The following UNC79 variants were observed in gnomAD, a reference collection of about 807,000 sequenced individuals.
UNC79 encodes the protein unc-79 subunit of NALCN channel complex, also known as protein unc-79 homolog.
UNC79 carries 37 observed loss-of-function variants against 283.1 expected under a neutral mutation model. The ratio of observed to expected loss-of-function variants is 0.13; its 90% CI spans 0.10 to 0.17. UNC79 has a LOEUF of 0.17. Among genes scored for constraint, UNC79 ranks in the 10% least tolerant of loss-of-function variants. The pLI, the probability that UNC79 is intolerant of heterozygous loss-of-function variation, is 1.00. For missense variants in UNC79, 2,272 were observed against 3,211.1 expected (o/e 0.71, Z 7.07); for synonymous variants, 1,107 against 1,200.2 (o/e 0.92, Z 1.61).
intron 27 of UNC79, among the ~76,000 whole-genome samples, chr14:93,614,648 A>T (rs1340382417): frequency 6.6e-6 from 1 of 151,978 alleles, no homozygotes; most frequent in Non-Finnish European, 1.5e-5. Context: ...AAAAAAAAAA[A>T]AAAAATCCTC....
At chr14:93,565,771 C>G (rs2062840984) in intron 14 of UNC79, among the ~76,000 whole-genome samples, 1 of 152,178 alleles carries the variant, frequency 6.6e-6, no homozygotes, top group South Asian at 2.1e-4. Flanking sequence ...AGGGAGAATA[C>G]TTAGAAGACT....
At chr14:93,392,495 A>G (rs1248943061) in intron 1 of UNC79, among the ~76,000 whole-genome samples, 3 of 152,248 alleles carry the variant, frequency 2.0e-5, no homozygotes, top group Admixed American at 2.0e-4. Context: ...TGTAGTTTGT[A>G]TCAAATTACA....
At chr14:93,371,732 T>A (rs2054453529) in intron 1 of UNC79, among the ~76,000 whole-genome samples, 1 of 151,810 alleles carries the variant, frequency 6.6e-6, no homozygotes, top group Non-Finnish European at 1.5e-5. Flanking sequence ...TCCCAGCTAC[T>A]CGGGAGGCTG....
chr14:93,398,436 A>G (rs911046586), intron 1 of UNC79, among the ~76,000 whole-genome samples: 2 of 152,224 alleles, frequency 1.3e-5, no homozygotes, highest in Non-Finnish European at 2.9e-5. Context: ...GTAGGCAGAA[A>G]CAGAAGACTA....
chr14:93,364,275 AC>A (rs1288267213), intron 1 of UNC79, among the ~76,000 whole-genome samples: 1 of 152,102 alleles, frequency 6.6e-6, no homozygotes, highest in Non-Finnish European at 1.5e-5. Flanking sequence ...CCTAAAGATA[AC>A]CCCAATCATG....
At chr14:93,623,666 G>A (rs759636639) in intron 30 of UNC79, among the ~76,000 whole-genome samples, 27 of 152,120 alleles carry the variant, frequency 1.8e-4, no homozygotes, top group Non-Finnish European at 2.9e-4. Flanking sequence ...AGGCTGAGGC[G>A]GGCAGATCAT....
intron 41 of UNC79, among the ~76,000 whole-genome samples, chr14:93,673,797 G>A (rs2073099413): frequency 6.6e-6 from 1 of 152,124 alleles, no homozygotes; most frequent in African/African-American, 2.4e-5. Flanking sequence ...ACTGAGGCCA[G>A]AAGTGGGGGA....
intron 4 of UNC79, among the ~76,000 whole-genome samples, chr14:93,478,852 C>A (rs1433674563): frequency 6.6e-6 from 1 of 152,078 alleles, no homozygotes; most frequent in African/African-American, 2.4e-5. Flanking sequence ...CAATTGGTAA[C>A]CATATATATC....
At chr14:93,637,370 C>T in intron 32 of UNC79, 71 bp downstream of exon 35, 1 of 1,584,862 alleles carries the variant, frequency 6.3e-7, no homozygotes, top group Non-Finnish European at 8.6e-7. Flanking sequence ...TTTGGTCACC[C>T]AGCAGGTGCA....
Position 93,582,196 on chromosome 14 carries a change from A to G in UNC79, c.2662-7A>G, listed in dbSNP as rs1206727390. 6.2e-7 allele frequency: 1 copy of G among 1,613,880 alleles called. No homozygotes were observed. The highest frequency in any genetic ancestry group is 1.7e-5 in the Admixed American group (1 of 59,994). Reference sequence around the variant, plus strand: ...GCTTACCTGGCTGCCTGTCCTGTTTATTTCAGGAGCCCACAGACAGCCTGG... The same window carrying G: ...GCTTACCTGGCTGCCTGTCCTGTTTGTTTCAGGAGCCCACAGACAGCCTGG... On this transcript the variant is annotated splice_region_variant and splice_polypyrimidine_tract_variant and intron_variant, in intron 19 of 48. Coordinates refer to ENST00000555664, the Ensembl canonical transcript of UNC79.
chr14:93,598,023 A>G lies in UNC79; in HGVS notation c.3372+483A>G, dbSNP rs779543421. On this transcript the variant is annotated intron_variant, in intron 24 of 48. Coordinates refer to ENST00000555664, the Ensembl canonical transcript of UNC79. ...TTGTTGATGCCACTTTTTTTTTAAG[A>G]CACAGTCTTACTCTGTTGCCCAGGC... Among the ~76,000 whole-genome samples, 159 of 152,034 alleles carry G rather than the reference A, an allele frequency of 1.0e-3. 1 individual carries two copies. Among genetic ancestry groups the G allele is most frequent in the Non-Finnish European group, 1.8e-3 (125 of 67,988 alleles).
At chr14:93,499,508 G>A (rs547284893) in intron 7 of UNC79, among the ~76,000 whole-genome samples, 3 of 152,224 alleles carry the variant, frequency 2.0e-5, no homozygotes, top group African/African-American at 7.2e-5. Flanking sequence ...CAGGTCTCAG[G>A]GAACTTACTA....
At chr14:93,572,570 G>C in intron 15 of UNC79, 123 bp from the exon 16 acceptor site, 1 of 1,396,618 alleles carries the variant, frequency 7.2e-7, no homozygotes, top group Non-Finnish European at 9.7e-7. Context: ...TAACAGTTCA[G>C]AATACAAACT....
At chr14:93,588,226 A>G (rs1356721344) in intron 22 of UNC79, among the ~76,000 whole-genome samples, 1 of 152,138 alleles carries the variant, frequency 6.6e-6, no homozygotes, top group Non-Finnish European at 1.5e-5. Flanking sequence ...GGAAGACCTT[A>G]AAATAGAGTC....
chr14:93,700,760 C>T (rs1306743402), intron 47 of UNC79, among the ~76,000 whole-genome samples: 7 of 152,144 alleles, frequency 4.6e-5, no homozygotes, highest in Non-Finnish European at 8.8e-5. Flanking sequence ...TTCTTCACTG[C>T]TGCTGCTGTA....
intron 1 of UNC79, among the ~76,000 whole-genome samples, chr14:93,366,781 C>T (rs1397584960): frequency 1.3e-5 from 2 of 152,026 alleles, no homozygotes; most frequent in Non-Finnish European, 2.9e-5. Context: ...CCATGTTGGC[C>T]AGGCTGGTCT....
chr14:93,452,293 C>T (rs1277096822), intron 1 of UNC79, among the ~76,000 whole-genome samples: 1 of 151,926 alleles, frequency 6.6e-6, no homozygotes, highest in East Asian at 1.9e-4. Flanking sequence ...TGCACTGTTA[C>T]ATCCCCAGCA....
intron 30 of UNC79, among the ~76,000 whole-genome samples, chr14:93,625,350 C>CATT (rs2067486464): frequency 1.3e-5 from 2 of 152,214 alleles, no homozygotes; most frequent in African/African-American, 4.8e-5. Context: ...CATCACGAAC[C>CATT]CTGGCTCTTC....
exon 22 of UNC79, chr14:93,586,786 C>T: frequency 6.2e-7 from 1 of 1,613,946 alleles, no homozygotes; most frequent in Non-Finnish European, 8.5e-7. Context: ...AAGAGCCAGA[C>T]ATTCTTTTTA....
Sources: gnomAD v4.1 joint callset for allele counts (sites outside exome capture counted in the v4.1 genomes callset) on GRCh38, gnomAD v4.1.1 for gene constraint, MANE v1.5 for transcripts, NCBI Gene and HGNC (gene_info 2026-07-23, HGNC 2026-07-21) for gene names.